The following AGK variants were observed in gnomAD, a reference collection of about 807,000 sequenced individuals.
AGK encodes acylglycerol kinase, mitochondrial.
In AGK, 52 loss-of-function variants were observed where a neutral mutation model predicts 66.4. The ratio of observed to expected loss-of-function variants is 0.78; its 90% CI spans 0.63 to 0.99. AGK has a LOEUF of 0.99. Ranked by LOEUF, AGK falls within the 50% of genes least tolerant of loss-of-function variation. AGK has a pLI of 0.00. For missense variants in AGK, 451 were observed against 506.6 expected, an observed-to-expected ratio of 0.89 and a Z score of 1.05; for synonymous variants, 182 against 181.1, an observed-to-expected ratio of 1.00 and a Z score of -0.04.
chr7:141,560,412 C>A (rs1401738655), intron 2 of AGK, among the ~76,000 whole-genome samples: 1 of 151,344 alleles, frequency 6.6e-6, no homozygotes, highest in Non-Finnish European at 1.5e-5. Context: ...CTTTCTTCTT[C>A]TTCTTTTTTT....
At chr7:141,582,786 C>T (rs1320331894) in intron 2 of AGK, among the ~76,000 whole-genome samples, 3 of 151,422 alleles carry the variant, frequency 2.0e-5, no homozygotes, top group Non-Finnish European at 4.4e-5. Context: ...TAAGCCAGAC[C>T]GGGTGTGAGG....
At chr7:141,628,021 A>G (rs1796974409) in intron 9 of AGK, among the ~76,000 whole-genome samples, 1 of 152,186 alleles carries the variant, frequency 6.6e-6, no homozygotes, top group Non-Finnish European at 1.5e-5. Flanking sequence ...AACTGGGACT[A>G]CAGGCGCATG....
At chr7:141,631,012 T>C (rs910172853) in intron 9 of AGK, among the ~76,000 whole-genome samples, 2 of 152,164 alleles carry the variant, frequency 1.3e-5, no homozygotes, top group East Asian at 1.9e-4. Context: ...ACTGAGTGGA[T>C]GAGTGAAAAC....
Position 141,652,768 on chromosome 7 carries a change from A to C in AGK, c.1132-19A>C, listed in dbSNP as rs1797593650. The C allele has an allele frequency of 6.2e-7, 1 of 1,611,988 alleles. No individual in the cohort carries two copies. ...CCACTGATGTGTTTGAGCTGTTCTG[A>C]ATATTCTCTTCTCCCCAGGGAGCAG... is the stretch of plus-strand genomic sequence containing the variant. On this transcript the variant is annotated intron_variant, in intron 15 of 15. Coordinates refer to ENST00000649286, the MANE Select transcript of AGK (RefSeq NM_018238.4).
intron 9 of AGK, among the ~76,000 whole-genome samples, chr7:141,633,304 G>C (rs1797097775): frequency 6.6e-6 from 1 of 152,154 alleles, no homozygotes; most frequent in African/African-American, 2.4e-5. Flanking sequence ...GACATTGGCT[G>C]TATTGTGCAT....
At chr7:141,616,781 CAG>C (rs1441852655) in intron 8 of AGK, among the ~76,000 whole-genome samples, 7 of 141,550 alleles carry the variant, frequency 4.9e-5, no homozygotes, top group Admixed American at 1.5e-4. Flanking sequence ...TTTTTTGAGA[CAG>C]AGTCTCGCTC....
intron 8 of AGK, among the ~76,000 whole-genome samples, chr7:141,618,585 AAT>A (rs1210698510): frequency 6.6e-6 from 1 of 152,194 alleles, no homozygotes; most frequent in Admixed American, 6.5e-5. Flanking sequence ...AACAAATATA[AAT>A]CAAAACAGAT....
At chr7:141,592,817 C>T (rs889209290) in intron 2 of AGK, among the ~76,000 whole-genome samples, 6 of 152,102 alleles carry the variant, frequency 3.9e-5, no homozygotes, top group Admixed American at 3.9e-4. Context: ...GATTCTCCTG[C>T]CCCAGTCTCC....
At chr7:141,582,842 G>A (rs531378252) in intron 2 of AGK, among the ~76,000 whole-genome samples, 1 of 151,884 alleles carries the variant, frequency 6.6e-6, no homozygotes, top group East Asian at 1.9e-4. Context: ...CGGAGGCTGA[G>A]GAAGAATTGG....
rs1051076129 is a variant in AGK at position 141,630,852 on chromosome 7, G to A, written c.589-3049G>A. ...GATAATGAGGCTGTAAAATCATGGC[G>A]GAACAACGGAAAGACTAGACGTTTA... On this transcript the variant is annotated intron_variant, in intron 9 of 15. Coordinates refer to ENST00000649286, the MANE Select transcript of AGK (RefSeq NM_018238.4). Among the ~76,000 whole-genome samples, 10 of 152,280 alleles carry A rather than the reference G, an allele frequency of 6.6e-5. 1 individual carries two copies. Among genetic ancestry groups the A allele is most frequent in the Admixed American group, 5.2e-4 (8 of 15,300 alleles).
rs77460563 is a variant in AGK at position 141,597,577 on chromosome 7, A to G, written c.221+936A>G. On this transcript the variant is annotated intron_variant, in intron 4 of 15. Coordinates refer to ENST00000649286, the MANE Select transcript of AGK (RefSeq NM_018238.4). ...AATTCTTTTTGGCTTTTTGGGAATC[A>G]GAAAATTAGCAGTTTGGGTGCAGTG... Among the ~76,000 whole-genome samples the G allele has an allele frequency of 3.5e-3, 540 of 152,204 alleles. 5 individuals are homozygous for G. Among genetic ancestry groups the G allele is most frequent in the African/African-American group, 0.013 (525 of 41,524 alleles).
intron 2 of AGK, among the ~76,000 whole-genome samples, chr7:141,570,055 C>T (rs940535693): frequency 2.6e-5 from 4 of 152,088 alleles, no homozygotes; most frequent in Non-Finnish European, 4.4e-5. Flanking sequence ...ACAATATTAT[C>T]GTGATGCTAA....
chr7:141,604,611 G>A (rs1347559255), intron 5 of AGK, among the ~76,000 whole-genome samples: 13 of 135,994 alleles, frequency 9.6e-5, no homozygotes, highest in African/African-American at 3.3e-4. Flanking sequence ...TTGAGACAGA[G>A]TCTCACTCTG....
chr7:141,578,943 T>A (rs925800877), intron 2 of AGK, among the ~76,000 whole-genome samples: 1 of 150,172 alleles, frequency 6.7e-6, no homozygotes, highest in African/African-American at 2.5e-5. Context: ...CCAGGAGATA[T>A]CAGCTATGAT....
chr7:141,648,165 G>A (rs963176278), intron 13 of AGK, among the ~76,000 whole-genome samples: 10 of 152,076 alleles, frequency 6.6e-5, no homozygotes, highest in African/African-American at 9.7e-5. Flanking sequence ...TGCCATCAGC[G>A]CCACCTCATG....
intron 2 of AGK, among the ~76,000 whole-genome samples, chr7:141,582,738 TG>T (rs1795907423): frequency 6.6e-6 from 1 of 151,926 alleles, no homozygotes; most frequent in African/African-American, 2.4e-5. Context: ...AGGAAATTGC[TG>T]GGCAGATGGG....
At chr7:141,634,494 G>C (rs1797128019) in intron 10 of AGK, among the ~76,000 whole-genome samples, 1 of 152,218 alleles carries the variant, frequency 6.6e-6, no homozygotes, top group African/African-American at 2.4e-5. Flanking sequence ...GGGAGAAACA[G>C]GCCTATCGAG....
intron 5 of AGK, among the ~76,000 whole-genome samples, chr7:141,610,072 G>A (rs1315928384): frequency 2.6e-5 from 4 of 151,610 alleles, no homozygotes; most frequent in African/African-American, 9.7e-5. Context: ...AGGTTCAAGC[G>A]ATTCTCCTGC....
At position 141,555,613 on chromosome 7, in the gene AGK, C is replaced by A; in HGVS notation, c.101+46C>A. 6.9e-7 allele frequency: 1 copy of A among 1,446,486 alleles called. No homozygotes were observed. Among genetic ancestry groups the A allele is most frequent in the Non-Finnish European group, 9.7e-7 (1 of 1,034,592 alleles). 89.6% of individuals were successfully genotyped at this position (1,446,486 alleles called of 1,614,324 possible). On this transcript the variant is annotated intron_variant, in intron 2 of 15. Coordinates refer to ENST00000649286, the MANE Select transcript of AGK (RefSeq NM_018238.4). The surrounding 1 kb of genome is among the most constrained non-coding windows in gnomAD (Gnocchi z 4.2). ...TCCCACCTTTGCATCTGCAGCAAAA[C>A]AGCCCCAAAGGGCCTCAGGTTAAAA...
Sources: gnomAD v4.1 joint callset for allele counts (sites outside exome capture counted in the v4.1 genomes callset) on GRCh38, gnomAD v4.1.1 for gene constraint, Gnocchi (gnomAD v3.1) non-coding constraint, MANE v1.5 for transcripts, NCBI Gene and HGNC (gene_info 2026-07-23, HGNC 2026-07-21) for gene names.